HDHD2: variants seen among roughly 807,000 people sequenced by gnomAD.
HDHD2 encodes haloacid dehalogenase-like hydrolase domain-containing protein 2.
HDHD2 carries 26 observed loss-of-function variants against 24.8 expected under a neutral mutation model. That is an observed-to-expected ratio of 1.05 (90% CI 0.77 to 1.45). The LOEUF is 1.45. HDHD2 is among the 40% of genes most tolerant of loss of function. HDHD2 has a pLI of 0.00. For missense variants in HDHD2, 299 were observed against 313.4 expected (o/e 0.95, Z 0.35); for synonymous variants, 128 against 114.9 (o/e 1.11, Z -0.73).
intron 3 of HDHD2, among the ~76,000 whole-genome samples, chr18:47,134,052 A>G (rs1468118839): frequency 6.6e-6 from 1 of 152,244 alleles, no homozygotes; most frequent in Non-Finnish European, 1.5e-5. Context: ...GTCCTTGACC[A>G]TGCCTATGTC....
chr18:47,145,532 T>C (rs139952494), intron 1 of HDHD2, among the ~76,000 whole-genome samples: 1 of 152,064 alleles, frequency 6.6e-6, no homozygotes, highest in Non-Finnish European at 1.5e-5. Context: ...AAAAATAAAA[T>C]GATCAATAAT....
intron 3 of HDHD2, among the ~76,000 whole-genome samples, chr18:47,132,112 T>C (rs2063718842): frequency 6.6e-6 from 1 of 152,214 alleles, no homozygotes; most frequent in South Asian, 2.1e-4. Context: ...TTTTCATTTA[T>C]CCTTCTTTGG....
At chr18:47,128,173 G>C (rs990461933) in intron 4 of HDHD2, among the ~76,000 whole-genome samples, 2 of 152,142 alleles carry the variant, frequency 1.3e-5, no homozygotes, top group African/African-American at 4.8e-5. Context: ...AAATCAATAT[G>C]GTTAGGAAAG....
At position 47,134,700 on chromosome 18, in the gene HDHD2, G is replaced by C. The variant is rs1451044265; in HGVS notation, c.106C>G (p.Arg36Gly). ...PGAQEALKRL[R>G]GASVIIRFVT... is the part of the protein sequence containing the mutation. ...AACCTAATGATTACAGAAGCACCAC[G>C]TAACCTGGAGAGGGCCAAATTCAGA... Residue 36 changes from arginine (R) to glycine (G), a missense_variant, in exon 3 of 7, where the codon CGT (arginine) becomes GGT (glycine). By Grantham distance (125) the Arg-to-Gly change is moderately radical (BLOSUM62 -2). Coordinates refer to ENST00000300605, the MANE Select transcript of HDHD2 (RefSeq NM_032124.5). 6.2e-7 allele frequency: 1 copy of C among 1,613,104 alleles called. No individual in the cohort carries two copies. Among genetic ancestry groups the C allele is most frequent in the African/African-American group, 1.3e-5 (1 of 74,848 alleles).
intron 4 of HDHD2, among the ~76,000 whole-genome samples, chr18:47,121,606 G>A (rs949181624): frequency 1.3e-5 from 2 of 152,150 alleles, no homozygotes; most frequent in African/African-American, 4.8e-5. Context: ...GCAAATAGAT[G>A]TGATCATGTC....
chr18:47,131,562 C>A (rs971132085), intron 3 of HDHD2, among the ~76,000 whole-genome samples: 1 of 152,108 alleles, frequency 6.6e-6, no homozygotes, highest in Non-Finnish European at 1.5e-5. Context: ...TTAGGCTTTT[C>A]CAGTGGAAGA....
At chr18:47,113,929 G>C (rs1312281882) in intron 5 of HDHD2, among the ~76,000 whole-genome samples, 1 of 152,086 alleles carries the variant, frequency 6.6e-6, no homozygotes, top group Non-Finnish European at 1.5e-5. Context: ...AAAAGAATGT[G>C]GACAATGAGA....
At chr18:47,135,632 C>G (rs1207386072) in intron 2 of HDHD2, among the ~76,000 whole-genome samples, 1 of 152,176 alleles carries the variant, frequency 6.6e-6, no homozygotes, top group African/African-American at 2.4e-5. Context: ...GTACCACATA[C>G]TAAGTATTGC....
At chr18:47,142,124 C>T (rs376009823) in intron 1 of HDHD2, among the ~76,000 whole-genome samples, 4 of 152,250 alleles carry the variant, frequency 2.6e-5, no homozygotes, top group East Asian at 3.9e-4. Flanking sequence ...GTATAAATTA[C>T]GCAGTCTTGG....
chr18:47,140,635 C>A (rs929093760), intron 1 of HDHD2, among the ~76,000 whole-genome samples: 1 of 152,220 alleles, frequency 6.6e-6, no homozygotes, highest in South Asian at 2.1e-4. Flanking sequence ...CCTCTCACAT[C>A]GGCCTCCCAA....
intron 1 of HDHD2, among the ~76,000 whole-genome samples, chr18:47,148,604 C>T (rs1159098430): frequency 6.6e-6 from 1 of 152,180 alleles, no homozygotes; most frequent in Admixed American, 6.5e-5. Context: ...GCATCTCAAT[C>T]CAAGTCCTTT....
intron 6 of HDHD2, chr18:47,109,021 G>T (rs1330670406): frequency 2.1e-6 from 1 of 486,536 alleles, no homozygotes; most frequent in African/African-American, 2.0e-5. Flanking sequence ...GACAGCCACA[G>T]GTACTGGATC....
chr18:47,144,156 G>C (rs1046581772), intron 1 of HDHD2, among the ~76,000 whole-genome samples: 1 of 152,146 alleles, frequency 6.6e-6, no homozygotes, highest in Admixed American at 6.5e-5. Flanking sequence ...ATAAAAGCAA[G>C]AAACTCAGGA....
rs762741000 is a variant in HDHD2 at position 47,136,320 on chromosome 18, A to G, written c.101+19T>C. 6.2e-7 allele frequency: 1 copy of G among 1,613,486 alleles called. No homozygotes were observed. The highest frequency in any genetic ancestry group is 1.1e-5 in the South Asian group (1 of 90,972). On this transcript the variant is annotated intron_variant, in intron 2 of 6. Transcript: ENST00000300605. ...CACTTACAAACATATTTGTCAGCTG[A>G]ACCTGGAGGATAGCTTGCCTTTTAA...
At chr18:47,122,868 T>C (rs906429059) in intron 4 of HDHD2, among the ~76,000 whole-genome samples, 2 of 152,160 alleles carry the variant, frequency 1.3e-5, no homozygotes. Context: ...AACACTGCTA[T>C]TTCTAGTTAT....
chr18:47,114,829 G>A (rs2063544182), intron 5 of HDHD2, among the ~76,000 whole-genome samples: 1 of 151,270 alleles, frequency 6.6e-6, no homozygotes, highest in Non-Finnish European at 1.5e-5. Flanking sequence ...AATGGCTTTT[G>A]AACTATATAT....
At chr18:47,136,819 A>G (rs76102393) in intron 1 of HDHD2, among the ~76,000 whole-genome samples, 25 of 152,320 alleles carry the variant, frequency 1.6e-4, no homozygotes, top group Non-Finnish European at 2.8e-4. Flanking sequence ...TGAAAGGACT[A>G]AATCATTAGC....
At chr18:47,126,715 C>T (rs1280543593) in intron 4 of HDHD2, among the ~76,000 whole-genome samples, 1 of 151,934 alleles carries the variant, frequency 6.6e-6, no homozygotes, top group African/African-American at 2.4e-5. Flanking sequence ...GGAAAAAAGG[C>T]CTCAAACGTT....
chr18:47,130,325 A>G lies in HDHD2; in HGVS notation c.314T>C (p.Ile105Thr), dbSNP rs1265537176. Residue 105 changes from isoleucine to threonine, a missense_variant, in exon 4 of 7, where the codon ATA (isoleucine) becomes ACA (threonine). Coordinates refer to ENST00000300605, the MANE Select transcript of HDHD2 (RefSeq NM_032124.5). Reference sequence around the variant, plus strand: ...CACAGCATTAGGATCACTTGTTTGTATTCCTGGGAACGGAAAAAAAAAATG... The same window carrying G: ...CACAGCATTAGGATCACTTGTTTGTGTTCCTGGGAACGGAAAAAAAAAATG... ...DDRALPDFKG[I>T]QTSDPNAVVM... 1.9e-6 allele frequency: 3 copies of G among 1,578,686 alleles called. No homozygotes were observed. Among genetic ancestry groups the G allele is most frequent in the South Asian group, 1.2e-5 (1 of 86,128 alleles).
Sources: allele counts gnomAD v4.1 joint callset (sites outside exome capture counted in the v4.1 genomes callset), GRCh38; gene constraint gnomAD v4.1.1; transcripts MANE v1.5; gene names NCBI Gene and HGNC (gene_info 2026-07-23, HGNC 2026-07-21).